The following CTNNA3 variants were observed in gnomAD, a reference collection of about 807,000 sequenced individuals.
CTNNA3 encodes the protein catenin alpha 3, also known as catenin alpha-3.
Under a neutral mutation model 95.7 loss-of-function variants are expected in CTNNA3, and 76 were observed. That is an observed-to-expected ratio of 0.79 (90% CI 0.66 to 0.96). CTNNA3 has a LOEUF of 0.96. Ranked by LOEUF, CTNNA3 falls within the 40% of genes least tolerant of loss-of-function variation. The probability of loss-of-function intolerance (pLI) is 0.00; values close to 1 mark genes in which losing one functional copy is unlikely to be tolerated. For missense variants in CTNNA3, 1,191 were observed against 1,089.8 expected (o/e 1.09, Z -1.31); for synonymous variants, 431 against 374.4 (o/e 1.15, Z -1.74).
At chr10:66,176,097 G>A (rs11597312) in intron 13 of CTNNA3, among the ~76,000 whole-genome samples, 2 of 152,166 alleles carry the variant, frequency 1.3e-5, no homozygotes, top group Non-Finnish European at 2.9e-5. Flanking sequence ...GAAATCTGCA[G>A]AGCCCTTTCA....
At chr10:66,165,843 A>C (rs2085100108) in intron 13 of CTNNA3, among the ~76,000 whole-genome samples, 1 of 152,004 alleles carries the variant, frequency 6.6e-6, no homozygotes, top group Admixed American at 6.6e-5. Context: ...ATCTTGGCTC[A>C]CTGCAACCTT....
At chr10:67,609,104 A>AAAC (rs1479431813) in intron 2 of CTNNA3, among the ~76,000 whole-genome samples, 4 of 151,962 alleles carry the variant, frequency 2.6e-5, no homozygotes, top group African/African-American at 4.8e-5. Flanking sequence ...AAAAAAAAAA[A>AAAC]AAAAAACAAC....
intron 5 of CTNNA3, among the ~76,000 whole-genome samples, chr10:67,325,514 T>C (rs946526977): frequency 4.6e-5 from 7 of 152,352 alleles, no homozygotes; most frequent in Admixed American, 6.5e-5. Flanking sequence ...TAGGAGGTTA[T>C]TCAATTCCCA....
intron 7 of CTNNA3, among the ~76,000 whole-genome samples, chr10:67,163,084 C>T (rs752732995): frequency 3.7e-4 from 56 of 152,002 alleles, no homozygotes; most frequent in Middle Eastern, 3.4e-3. Context: ...CTGTTCTACC[C>T]AACCTTTCTA....
intron 5 of CTNNA3, among the ~76,000 whole-genome samples, chr10:67,449,315 A>G (rs1412770737): frequency 1.3e-5 from 2 of 152,188 alleles, no homozygotes; most frequent in Non-Finnish European, 2.9e-5. Context: ...CATTCTTTAC[A>G]GAACTAGAGA....
At chr10:67,431,246 A>G (rs1461792718) in intron 5 of CTNNA3, among the ~76,000 whole-genome samples, 4 of 152,026 alleles carry the variant, frequency 2.6e-5, no homozygotes. Context: ...GGTGGTTATC[A>G]GTGCAGCTTT....
At chr10:67,298,371 G>T (rs2132488362) in intron 5 of CTNNA3, among the ~76,000 whole-genome samples, 1 of 152,312 alleles carries the variant, frequency 6.6e-6, no homozygotes, top group East Asian at 1.9e-4. Context: ...CAAGGTTCAG[G>T]TTTAATAATC....
intron 11 of CTNNA3, among the ~76,000 whole-genome samples, chr10:66,475,320 G>A (rs2131885980): frequency 6.6e-6 from 1 of 152,014 alleles, no homozygotes; most frequent in Non-Finnish European, 1.5e-5. Flanking sequence ...ACTACTAGTA[G>A]AAAACATAGG....
At chr10:66,273,296 C>T (rs966623165) in intron 13 of CTNNA3, among the ~76,000 whole-genome samples, 3 of 152,116 alleles carry the variant, frequency 2.0e-5, no homozygotes, top group African/African-American at 7.2e-5. Context: ...CAACATGGAT[C>T]TGATGGACAA....
intron 12 of CTNNA3, among the ~76,000 whole-genome samples, chr10:66,329,415 A>C (rs182507724): frequency 2.0e-5 from 3 of 151,908 alleles, no homozygotes; most frequent in African/African-American, 7.2e-5. Flanking sequence ...CTTACAGTGT[A>C]ACACCCCAAA....
chr10:67,282,568 G>T (rs1332263534), intron 5 of CTNNA3, among the ~76,000 whole-genome samples: 7 of 152,100 alleles, frequency 4.6e-5, no homozygotes, highest in Non-Finnish European at 8.8e-5. Flanking sequence ...TTTATGTTTT[G>T]CTCTTACATT....
At chr10:66,746,032 C>T (rs1378893794) in intron 9 of CTNNA3, among the ~76,000 whole-genome samples, 1 of 152,054 alleles carries the variant, frequency 6.6e-6, no homozygotes, top group Non-Finnish European at 1.5e-5. Context: ...AGTCAGTTAA[C>T]CTTCCACCAA....
At chr10:66,976,052 C>T (rs1850011084) in intron 7 of CTNNA3, among the ~76,000 whole-genome samples, 1 of 152,122 alleles carries the variant, frequency 6.6e-6, no homozygotes, top group Admixed American at 6.6e-5. Context: ...AATAATAGGT[C>T]AGTTAGTCCA....
chr10:66,151,690 G>A lies in CTNNA3; in HGVS notation c.1885-48441C>T, dbSNP rs150273705. ...TCAGCCACTGAAGGGAAACAAGAAC[G>A]ACAAGCTCATCCCTAAGGATGATAT... On this transcript the variant is annotated intron_variant, in intron 13 of 17. Transcript: ENST00000433211. 5.3e-3 allele frequency among the ~76,000 whole-genome samples: 801 copies of A among 151,966 alleles called. 5 individuals carry two copies. The highest frequency in any genetic ancestry group is 0.015 in the Admixed American group (228 of 15,216).
chr10:66,173,428 T>G (rs138629812), intron 13 of CTNNA3, among the ~76,000 whole-genome samples: 355 of 152,216 alleles, frequency 2.3e-3, no homozygotes, highest in Non-Finnish European at 4.2e-3. Context: ...CAAAGAATAT[T>G]GAGTTTTTCA....
intron 14 of CTNNA3, among the ~76,000 whole-genome samples, chr10:66,077,703 G>T (rs143704860): frequency 0.082 from 12,460 of 151,618 alleles, 754 homozygotes; most frequent in East Asian, 0.19. Context: ...TCTGTATGGA[G>T]CCCCTAAAAC....
intron 12 of CTNNA3, among the ~76,000 whole-genome samples, chr10:66,374,677 G>C (rs1333814885): frequency 7.1e-6 from 1 of 141,536 alleles, no homozygotes; most frequent in South Asian, 2.3e-4. Flanking sequence ...TGCAGTGGCA[G>C]GATCTCAGCT....
intron 5 of CTNNA3, among the ~76,000 whole-genome samples, chr10:67,496,194 T>C (rs969514959): frequency 3.9e-5 from 6 of 152,158 alleles, no homozygotes; most frequent in African/African-American, 1.2e-4. Flanking sequence ...TAAAACAAAA[T>C]GATATCCATG....
chr10:67,419,741 G>T (rs1845680552), intron 5 of CTNNA3, among the ~76,000 whole-genome samples: 1 of 152,178 alleles, frequency 6.6e-6, no homozygotes, highest in Non-Finnish European at 1.5e-5. Flanking sequence ...ATACTCAAGA[G>T]CTATGATTAA....
Sources: gnomAD v4.1 joint callset for allele counts (sites outside exome capture counted in the v4.1 genomes callset) on GRCh38, gnomAD v4.1.1 for gene constraint, MANE v1.5 for transcripts, NCBI Gene and HGNC (gene_info 2026-07-23, HGNC 2026-07-21) for gene names.